Variants in NTNG1 observed in about 807,000 individuals in gnomAD.
The protein encoded by NTNG1 is netrin-G1.
NTNG1 carries 16 observed loss-of-function variants against 54.0 expected under a neutral mutation model. The ratio of observed to expected loss-of-function variants is 0.30; its 90% confidence interval spans 0.20 to 0.45. The LOEUF is 0.45. Ranked by LOEUF, NTNG1 falls within the 20% of genes least tolerant of loss-of-function variation. The pLI is 1.00. For missense variants in NTNG1, 530 were observed against 678.7 expected, an observed-to-expected ratio of 0.78 and a Z score of 2.43; for synonymous variants, 255 against 263.1, an observed-to-expected ratio of 0.97 and a Z score of 0.30.
At chr1:107,143,935 C>G (rs546193001) in intron 1 of NTNG1, among the ~76,000 whole-genome samples, 1 of 151,994 alleles carries the variant, frequency 6.6e-6, no homozygotes, top group African/African-American at 2.4e-5. Context: ...TCAATTACCA[C>G]GGTGTGTTAT....
At chr1:107,443,623 C>T (rs929995920) in intron 7 of NTNG1, among the ~76,000 whole-genome samples, 5 of 152,068 alleles carry the variant, frequency 3.3e-5, no homozygotes, top group African/African-American at 1.2e-4. Context: ...ACCAGTTGAC[C>T]TCACACTTTG....
intron 4 of NTNG1, among the ~76,000 whole-genome samples, chr1:107,396,860 A>G (rs189055883): frequency 1.1e-4 from 16 of 152,298 alleles, no homozygotes; most frequent in African/African-American, 3.6e-4. Context: ...GCTTGCCAAG[A>G]CCACTGGAGA....
At chr1:107,394,034 AACACAC>A (rs142695081) in intron 3 of NTNG1, among the ~76,000 whole-genome samples, 2 of 149,716 alleles carry the variant, frequency 1.3e-5, no homozygotes, top group South Asian at 4.2e-4. Flanking sequence ...CACACACATA[AACACAC>A]ACACACACAC....
intron 7 of NTNG1, chr1:107,455,633 G>A: frequency 2.0e-6 from 1 of 494,814 alleles, no homozygotes; most frequent in Non-Finnish European, 4.1e-6. Flanking sequence ...GTGGTGAGAT[G>A]GAAGGTAACT....
At chr1:107,423,307 T>C (rs955156730) in intron 5 of NTNG1, among the ~76,000 whole-genome samples, 1 of 152,122 alleles carries the variant, frequency 6.6e-6, no homozygotes, top group Admixed American at 6.6e-5. Context: ...TGGCAATGTC[T>C]GGAGAAATTT....
intron 2 of NTNG1, among the ~76,000 whole-genome samples, chr1:107,218,750 T>A (rs915128900): frequency 1.3e-5 from 2 of 152,188 alleles, no homozygotes; most frequent in African/African-American, 4.8e-5. Context: ...TGGCTGATAG[T>A]TGTTTTGTTT....
At chr1:107,290,998 C>T (rs1256352241) in intron 2 of NTNG1, among the ~76,000 whole-genome samples, 3 of 144,156 alleles carry the variant, frequency 2.1e-5, no homozygotes, top group African/African-American at 8.1e-5. Context: ...CACACACATA[C>T]ATACACACGC....
chr1:107,178,787 T>C (rs1237895035), intron 2 of NTNG1, among the ~76,000 whole-genome samples: 2 of 152,214 alleles, frequency 1.3e-5, no homozygotes, highest in Non-Finnish European at 1.5e-5. Context: ...GCATTAAGTT[T>C]CACTAAGTTA....
chr1:107,337,697 T>G (rs1438634466), intron 3 of NTNG1, among the ~76,000 whole-genome samples: 1 of 152,082 alleles, frequency 6.6e-6, no homozygotes, highest in Non-Finnish European at 1.5e-5. Context: ...ACAGAAATTC[T>G]GACATATATC....
intron 2 of NTNG1, among the ~76,000 whole-genome samples, chr1:107,244,874 A>T (rs1295110562): frequency 6.6e-6 from 1 of 152,190 alleles, no homozygotes; most frequent in African/African-American, 2.4e-5. Flanking sequence ...GCCTGATAGA[A>T]CTAGTGTGCA....
intron 2 of NTNG1, among the ~76,000 whole-genome samples, chr1:107,209,891 C>CT (rs10716155): frequency 2.7e-5 from 4 of 150,334 alleles, no homozygotes; most frequent in African/African-American, 9.8e-5. Context: ...ATACAGACTT[C>CT]TTTTTTTTTT....
intron 2 of NTNG1, among the ~76,000 whole-genome samples, chr1:107,264,729 C>A (rs1222947959): frequency 1.3e-5 from 2 of 152,114 alleles, no homozygotes; most frequent in Non-Finnish European, 2.9e-5. Context: ...CTTTTCATTT[C>A]TTTTCCATTT....
intron 2 of NTNG1, among the ~76,000 whole-genome samples, chr1:107,188,244 G>A (rs74817467): frequency 0.013 from 1,902 of 152,010 alleles, 41 homozygotes; most frequent in African/African-American, 0.044. Context: ...TTATCACATT[G>A]GGTATGAGAT....
chr1:107,217,655 A>G (rs1660064255), intron 2 of NTNG1, among the ~76,000 whole-genome samples: 1 of 152,064 alleles, frequency 6.6e-6, no homozygotes, highest in South Asian at 2.1e-4. Flanking sequence ...TTATATCACT[A>G]CTACTCATTT....
chr1:107,274,860 C>T (rs1190653120), intron 2 of NTNG1, among the ~76,000 whole-genome samples: 1 of 152,184 alleles, frequency 6.6e-6, no homozygotes, highest in African/African-American at 2.4e-5. Flanking sequence ...ATGGTTGCAG[C>T]ACTGTGTCAG....
In NTNG1 at chr1:107,307,768, A is replaced by G. The variant is rs17018737; in HGVS notation, c.247-16514A>G. Among the ~76,000 whole-genome samples the G allele has an allele frequency of 1.4e-3, 220 of 152,110 alleles. 1 individual carries two copies. In the East Asian group the frequency reaches 0.037, roughly 26 times the overall value. On this transcript the variant is annotated intron_variant, in intron 2 of 7. Transcript: ENST00000370068. ...TTTAACTTATTTCTAACTTCCTCCT[A>G]TTTTTACTGGTTTCTCTCTGTCTTC... is the stretch of plus-strand genomic sequence containing the variant.
chr1:107,474,395 T>C (rs1023491057), intron 7 of NTNG1, among the ~76,000 whole-genome samples: 4 of 152,212 alleles, frequency 2.6e-5, no homozygotes, highest in African/African-American at 7.2e-5. Context: ...AATTTGCAAC[T>C]ATATGCAGGA....
chr1:107,217,013 T>C (rs151019583), intron 2 of NTNG1, among the ~76,000 whole-genome samples: 57 of 152,274 alleles, frequency 3.7e-4, no homozygotes, highest in Middle Eastern at 3.4e-3. Context: ...ATAGTGCCAA[T>C]AGGATTGGTA....
At chr1:107,172,962 C>T (rs370529097) in intron 2 of NTNG1, among the ~76,000 whole-genome samples, 15 of 152,256 alleles carry the variant, frequency 9.9e-5, no homozygotes, top group African/African-American at 3.6e-4. Context: ...GAACAGCTGC[C>T]TTTCTAGAGA....
Sources: gnomAD v4.1 joint callset for allele counts (sites outside exome capture counted in the v4.1 genomes callset) on GRCh38, gnomAD v4.1.1 for gene constraint, MANE v1.5 for transcripts, NCBI Gene and HGNC (gene_info 2026-07-23, HGNC 2026-07-21) for gene names.